The following MACROD2 variants were observed in gnomAD, a reference collection of about 807,000 sequenced individuals.
MACROD2 encodes the protein ADP-ribose glycohydrolase MACROD2.
A neutral mutation model predicts 70.4 loss-of-function variants in MACROD2; 36 were observed. The ratio of observed to expected loss-of-function variants is 0.51; its 90% CI spans 0.39 to 0.68. The LOEUF is 0.68. Among genes scored for constraint, MACROD2 ranks in the 30% least tolerant of loss-of-function variants. The pLI is 0.00. For missense variants in MACROD2, 496 were observed against 538.4 expected, an observed-to-expected ratio of 0.92 and a Z score of 0.78; for synonymous variants, 172 against 178.8, an observed-to-expected ratio of 0.96 and a Z score of 0.30.
At chr20:15,733,605 A>G (rs189817383) in intron 8 of MACROD2, among the ~76,000 whole-genome samples, 42 of 152,282 alleles carry the variant, frequency 2.8e-4, no homozygotes, top group African/African-American at 9.4e-4. Context: ...ATTGAGATTT[A>G]TTCATTGACG....
At chr20:15,282,473 T>C (rs1041144387) in intron 6 of MACROD2, among the ~76,000 whole-genome samples, 1 of 152,222 alleles carries the variant, frequency 6.6e-6, no homozygotes, top group African/African-American at 2.4e-5. Flanking sequence ...ATATCTTCAA[T>C]GCTTTGTTGG....
intron 4 of MACROD2, among the ~76,000 whole-genome samples, chr20:14,618,275 C>T (rs1366029801): frequency 6.6e-6 from 1 of 152,082 alleles, no homozygotes; most frequent in East Asian, 1.9e-4. Context: ...TTTTCCACCA[C>T]CTAGCTATAC....
At chr20:14,191,437 G>A (rs1342511523) in intron 3 of MACROD2, among the ~76,000 whole-genome samples, 4 of 151,984 alleles carry the variant, frequency 2.6e-5, no homozygotes, top group Admixed American at 1.3e-4. Flanking sequence ...TATATAATCC[G>A]GTCATTCAAT....
At chr20:15,564,387 T>C (rs1212479118) in intron 8 of MACROD2, among the ~76,000 whole-genome samples, 2 of 152,224 alleles carry the variant, frequency 1.3e-5, no homozygotes, top group African/African-American at 4.8e-5. Flanking sequence ...AAAGATGGTG[T>C]GCTCATGTCT....
At chr20:14,075,377 A>G (rs1281542007) in intron 2 of MACROD2, among the ~76,000 whole-genome samples, 2 of 152,196 alleles carry the variant, frequency 1.3e-5, no homozygotes, top group Non-Finnish European at 2.9e-5. Context: ...GACTGACAAC[A>G]GCCGAGTGTA....
At position 14,539,411 on chromosome 20, in the gene MACROD2, A is replaced by T. The variant is rs183659767; in HGVS notation, c.301+45903A>T. ...CTCCTGCTTTTCCAGTGGGAGATGG[A>T]GCTGGGAGGTGGTGGTAGAAGAAGG... On this transcript the variant is annotated intron_variant, in intron 4 of 17. Transcript: ENST00000684519. 1.2e-4 allele frequency among the ~76,000 whole-genome samples: 18 copies of T among 152,180 alleles called. No homozygotes were observed. In the East Asian group the frequency reaches 3.5e-3, roughly 30 times the overall value.
At chr20:15,807,776 C>T (rs1479621246) in intron 8 of MACROD2, among the ~76,000 whole-genome samples, 1 of 152,046 alleles carries the variant, frequency 6.6e-6, no homozygotes, top group African/African-American at 2.4e-5. Flanking sequence ...CATAATATTT[C>T]TATCAGAAAG....
intron 5 of MACROD2, among the ~76,000 whole-genome samples, chr20:14,862,924 A>G (rs926270503): frequency 2.6e-5 from 4 of 150,968 alleles, no homozygotes; most frequent in Non-Finnish European, 5.9e-5. Flanking sequence ...TTTTAGTTAA[A>G]TAGTAATACA....
intron 8 of MACROD2, among the ~76,000 whole-genome samples, chr20:15,614,412 A>G (rs1372922453): frequency 6.6e-6 from 1 of 152,160 alleles, no homozygotes; most frequent in Admixed American, 6.5e-5. Context: ...CCACATTTGG[A>G]AAATCCTGGA....
chr20:14,283,088 C>G (rs986198627), intron 3 of MACROD2, among the ~76,000 whole-genome samples: 1 of 152,148 alleles, frequency 6.6e-6, no homozygotes, highest in Non-Finnish European at 1.5e-5. Flanking sequence ...AAATAATTTG[C>G]AGCTAGTTCC....
intron 13 of MACROD2, among the ~76,000 whole-genome samples, chr20:15,984,869 C>T (rs997439704): frequency 6.6e-5 from 10 of 152,128 alleles, no homozygotes; most frequent in Non-Finnish European, 1.0e-4. Context: ...TTTCTCTCTG[C>T]TGGTCTTTCC....
intron 5 of MACROD2, among the ~76,000 whole-genome samples, chr20:15,168,348 G>C (rs1395296823): frequency 6.6e-6 from 1 of 151,834 alleles, no homozygotes; most frequent in Non-Finnish European, 1.5e-5. Context: ...TAGGATCCTA[G>C]GATCCTATGC....
chr20:15,537,070 T>C (rs1306947090), intron 8 of MACROD2, among the ~76,000 whole-genome samples: 1 of 152,202 alleles, frequency 6.6e-6, no homozygotes, highest in Non-Finnish European at 1.5e-5. Flanking sequence ...TTAGCTCCCA[T>C]AATTCTCACA....
intron 4 of MACROD2, among the ~76,000 whole-genome samples, chr20:14,589,538 C>A (rs956471158): frequency 6.6e-6 from 1 of 152,090 alleles, no homozygotes; most frequent in African/African-American, 2.4e-5. Flanking sequence ...CCAGTTTTAA[C>A]GTTTCTGTAG....
At chr20:14,144,919 C>T (rs1272753477) in intron 3 of MACROD2, among the ~76,000 whole-genome samples, 1 of 152,138 alleles carries the variant, frequency 6.6e-6, no homozygotes, top group Admixed American at 6.6e-5. Flanking sequence ...TCATCATGTT[C>T]GCCACTCTCT....
At chr20:15,934,381 A>G (rs1168163004) in intron 11 of MACROD2, among the ~76,000 whole-genome samples, 1 of 152,210 alleles carries the variant, frequency 6.6e-6, no homozygotes, top group Non-Finnish European at 1.5e-5. Flanking sequence ...GCACTGAAGC[A>G]AGGCAGCAAG....
At chr20:15,255,141 A>G (rs1380328561) in intron 6 of MACROD2, among the ~76,000 whole-genome samples, 2 of 151,940 alleles carry the variant, frequency 1.3e-5, no homozygotes, top group Non-Finnish European at 1.5e-5. Flanking sequence ...ATCTTCTTAA[A>G]CAGATTATAT....
At chr20:14,542,928 T>A (rs1431983623) in intron 4 of MACROD2, among the ~76,000 whole-genome samples, 2 of 142,852 alleles carry the variant, frequency 1.4e-5, no homozygotes, top group African/African-American at 5.2e-5. Context: ...TTTTACATAA[T>A]GAATTAATGA....
At chr20:16,006,771 C>T (rs1257290874) in intron 15 of MACROD2, among the ~76,000 whole-genome samples, 1 of 152,100 alleles carries the variant, frequency 6.6e-6, no homozygotes, top group Non-Finnish European at 1.5e-5. Flanking sequence ...AGTGTGTTCT[C>T]ATGTCTAGTT....
Sources: gnomAD v4.1 joint callset for allele counts (sites outside exome capture counted in the v4.1 genomes callset) on GRCh38, gnomAD v4.1.1 for gene constraint, MANE v1.5 for transcripts, NCBI Gene and HGNC (gene_info 2026-07-23, HGNC 2026-07-21) for gene names.